MCUR1: variants seen among roughly 807,000 people sequenced by gnomAD.
MCUR1 encodes the protein mitochondrial calcium uniporter regulator 1, also known as MCU regulator 1.
In MCUR1, 37 loss-of-function variants were observed where a neutral mutation model predicts 42.0. The observed-to-expected ratio is 0.88, with a 90% CI of 0.68 to 1.16. The LOEUF (loss-of-function observed/expected upper bound fraction) is 1.16. Ranked by LOEUF, MCUR1 falls within the 50% of genes most tolerant of loss-of-function variation. The pLI is 0.00. For missense variants in MCUR1, 469 were observed against 468.4 expected (o/e 1.00, Z -0.01); for synonymous variants, 229 against 196.2 (o/e 1.17, Z -1.40).
Position 13,792,080 on chromosome 6 carries a change from C to CTTTCCCA in MCUR1, c.910-89_910-88insTGGGAAA, listed in dbSNP as rs542690346. On this transcript the variant is annotated intron_variant, in intron 7 of 8. Coordinates refer to ENST00000379170, the MANE Select transcript of MCUR1 (RefSeq NM_001031713.4). Reference sequence around the variant, plus strand: ...TAGCTCCTTCCCAACGGGGTGCAGTCACAGGGAAACCTGGGTAAGACTATG... The same window carrying CTTTCCCA: ...TAGCTCCTTCCCAACGGGGTGCAGTCTTTCCCAACAGGGAAACCTGGGTAAGACTATG... 2,532 of 960,034 alleles carry CTTTCCCA rather than the reference C, an allele frequency of 2.6e-3. 47 individuals carry two copies. In the African/African-American group the frequency reaches 0.037, roughly 14 times the overall value. 59.5% of individuals were successfully genotyped at this position (960,034 alleles called of 1,614,324 possible). A position where few individuals can be genotyped will look rare whatever the true frequency, so the allele number is the denominator to read the frequency against.
Position 13,800,392 on chromosome 6 carries a change from C to G in MCUR1, c.742-10G>C. On this transcript the variant is annotated splice_polypyrimidine_tract_variant and intron_variant, in intron 4 of 8. Coordinates refer to ENST00000379170, the MANE Select transcript of MCUR1 (RefSeq NM_001031713.4). ...GTTCGAGTTTTATTTTCTAAAAACA[C>G]ATAAAAAAAAAGTCATTAGAAAGAA... 1.4e-6 allele frequency: 2 copies of G among 1,418,666 alleles called. No individual in the cohort carries two copies. Among genetic ancestry groups the G allele is most frequent in the Non-Finnish European group, 9.7e-7 (1 of 1,031,320 alleles). The allele number at this position is 1,418,666 out of a possible 1,614,324, so 87.9% of individuals were successfully genotyped here.
At chr6:13,804,322 CAAAAA>C (rs747622585) in intron 2 of MCUR1, 3 of 21,078 alleles carry the variant, frequency 1.4e-4, no homozygotes, top group South Asian at 1.2e-3. Flanking sequence ...GATTCTGTCT[CAAAAA>C]AAAAAAAAAA....
intron 5 of MCUR1, among the ~76,000 whole-genome samples, chr6:13,799,989 G>A (rs957762181): frequency 6.6e-6 from 1 of 151,760 alleles, no homozygotes; most frequent in African/African-American, 2.4e-5. Flanking sequence ...CTGCCACCAT[G>A]CCCACTTAAT....
Position 13,786,847 on chromosome 6 carries a change from T to C in MCUR1, c.*3962A>G, listed in dbSNP as rs1561725780. 1 of 152,172 alleles carries C rather than the reference T, an allele frequency of 6.6e-6. No homozygotes were observed. The highest frequency in any genetic ancestry group is 1.5e-5 in the Non-Finnish European group (1 of 68,034). The allele number at this position is 152,172 out of a possible 1,614,324, so 9.4% of individuals were successfully genotyped here. ...TGGGTTATAAGCAAAGGAACATAAG[T>C]GTAAAATGTGTAGAAAGATAAATAT... is the stretch of plus-strand genomic sequence containing the variant. On this transcript the variant is annotated 3_prime_UTR_variant, in exon 9 of 9. Coordinates refer to ENST00000379170, the MANE Select transcript of MCUR1 (RefSeq NM_001031713.4).
At position 13,814,472 on chromosome 6, in the gene MCUR1, G is replaced by C. The variant is rs775550853; in HGVS notation, c.-43C>G. On this transcript the variant is annotated 5_prime_UTR_variant, in exon 1 of 9. Transcript: ENST00000379170. ...GCCCGGGCGCGCGCTCATGCCTCTC[G>C]CTTTTGGCGCCGGCCACGCGCGGTC... The C allele has an allele frequency of 7.0e-7, 1 of 1,438,504 alleles. No homozygotes were observed. Among genetic ancestry groups the C allele is most frequent in the Non-Finnish European group, 9.0e-7 (1 of 1,105,254 alleles). 89.1% of individuals were successfully genotyped at this position (1,438,504 alleles called of 1,614,324 possible).
At position 13,789,951 on chromosome 6, in the gene MCUR1, A is replaced by C. The variant is rs1041915652; in HGVS notation, c.*858T>G. The C allele has an allele frequency of 1.3e-5, 2 of 152,198 alleles. No individual in the cohort carries two copies. The highest frequency in any genetic ancestry group is 4.8e-5 in the African/African-American group (2 of 41,448). The allele number at this position is 152,198 out of a possible 1,614,324, so 9.4% of individuals were successfully genotyped here. ...TTAAAAATAACCCTAACAATAACTT[A>C]CCAAGACAATGGAAATCAAAAGAAA... On this transcript the variant is annotated 3_prime_UTR_variant, in exon 9 of 9. Coordinates refer to ENST00000379170, the MANE Select transcript of MCUR1 (RefSeq NM_001031713.4).
chr6:13,787,040 C>A lies in MCUR1; in HGVS notation c.*3769G>T, dbSNP rs1759620314. On this transcript the variant is annotated 3_prime_UTR_variant, in exon 9 of 9. Transcript: ENST00000379170. ...GTTTTCTAGATATGAATTCTATATA[C>A]CATCTCTATATTTGTTTAGAATTTT... 1 of 152,128 alleles carries A rather than the reference C, an allele frequency of 6.6e-6. No individual in the cohort carries two copies. Among genetic ancestry groups the A allele is most frequent in the African/African-American group, 2.4e-5 (1 of 41,414 alleles). 9.4% of individuals were successfully genotyped at this position (152,128 alleles called of 1,614,324 possible). A position where few individuals can be genotyped will look rare whatever the true frequency, so the allele number is the denominator to read the frequency against.
intron 8 of MCUR1, among the ~76,000 whole-genome samples, chr6:13,791,444 G>C (rs561774906): frequency 2.0e-5 from 3 of 152,194 alleles, no homozygotes; most frequent in Admixed American, 1.3e-4. Flanking sequence ...ATTTGGGTGG[G>C]GGGTGGTACA....
intron 2 of MCUR1, among the ~76,000 whole-genome samples, chr6:13,805,202 G>A (rs1760090087): frequency 6.7e-6 from 1 of 149,994 alleles, no homozygotes; most frequent in African/African-American, 2.5e-5. Flanking sequence ...ATGTTGCACA[G>A]ACTGGTCTTG....
chr6:13,796,886 T>G (rs1313864341), intron 6 of MCUR1, among the ~76,000 whole-genome samples: 1 of 152,216 alleles, frequency 6.6e-6, no homozygotes, highest in Non-Finnish European at 1.5e-5. Flanking sequence ...GTGAATTCAG[T>G]TCTTCCTGAG....
intron 8 of MCUR1, 141 bp downstream of exon 8, chr6:13,791,737 T>C (rs1584981838): frequency 6.8e-6 from 4 of 587,052 alleles, no homozygotes; most frequent in Non-Finnish European, 1.2e-5. Flanking sequence ...CTACTGGAAA[T>C]TGTAAGATGC....
chr6:13,797,208 CAACA>C (rs1416256381), intron 6 of MCUR1, among the ~76,000 whole-genome samples: 1 of 152,134 alleles, frequency 6.6e-6, no homozygotes, highest in South Asian at 2.1e-4. Context: ...AATGAGAAAA[CAACA>C]AACAGTTGTG....
At position 13,813,995 on chromosome 6, in the gene MCUR1, C is replaced by T; in HGVS notation, c.415+20G>A. 1 of 1,231,098 alleles carries T rather than the reference C, an allele frequency of 8.1e-7. No individual in the cohort carries two copies. The highest frequency in any genetic ancestry group is 1.0e-6 in the Non-Finnish European group (1 of 986,646). The allele number at this position is 1,231,098 out of a possible 1,614,324, so 76.3% of individuals were successfully genotyped here. ...AACCCCGCGAGACGAGCCCCCTCTC[C>T]TCTCCCGCCCGGGCCTCACCTCTCC... is the stretch of plus-strand genomic sequence containing the variant. On this transcript the variant is annotated intron_variant, in intron 1 of 8. Transcript: ENST00000379170.
intron 1 of MCUR1, among the ~76,000 whole-genome samples, chr6:13,812,471 T>G (rs965124733): frequency 2.6e-4 from 40 of 152,226 alleles, no homozygotes; most frequent in African/African-American, 9.6e-4. Context: ...ACACTCTCTT[T>G]TTGCCCTATA....
intron 7 of MCUR1, among the ~76,000 whole-genome samples, chr6:13,792,981 G>A (rs929394914): frequency 9.2e-5 from 14 of 151,634 alleles, no homozygotes; most frequent in African/African-American, 2.9e-4. Flanking sequence ...TAAAACTTCC[G>A]TTAAGAAAAA....
chr6:13,799,659 CTA>C (rs1759944772), intron 5 of MCUR1, among the ~76,000 whole-genome samples: 2 of 152,184 alleles, frequency 1.3e-5, no homozygotes, highest in South Asian at 4.1e-4. Context: ...TCTTTAACAT[CTA>C]TGTTTTTTCT....
chr6:13,814,297 G>T lies in MCUR1; in HGVS notation c.133C>A (p.Leu45Ile), dbSNP rs542578640. The T allele has an allele frequency of 2.6e-5, 39 of 1,502,446 alleles. No individual in the cohort carries two copies. The highest frequency in any genetic ancestry group is 2.9e-5 in the Non-Finnish European group (33 of 1,131,920). The allele number at this position is 1,502,446 out of a possible 1,614,324, so 93.1% of individuals were successfully genotyped here. Residue 45 changes from leucine to isoleucine, a missense_variant, in exon 1 of 9, where the codon CTC (leucine) becomes ATC (isoleucine). Coordinates refer to ENST00000379170, the MANE Select transcript of MCUR1 (RefSeq NM_001031713.4). ...CGCAGCGCCCCCAGACCGTCGGAGA[G>T]CGCAGAGAGGCAGCGGCGTGCTGAG... Reference protein sequence around the residue: ...ETSARRCLSALSDGLGALRPR... With the variant: ...ETSARRCLSAISDGLGALRPR...
intron 5 of MCUR1, among the ~76,000 whole-genome samples, 163 bp from the exon 6 acceptor site, chr6:13,799,067 C>T (rs1278676929): frequency 6.6e-6 from 1 of 152,236 alleles, no homozygotes; most frequent in East Asian, 1.9e-4. Flanking sequence ...ACCTAGGCCT[C>T]CTGGCATCAG....
chr6:13,814,166 C>G lies in MCUR1; in HGVS notation c.264G>C (p.Gln88His). ...GGCGCGAGCGCTCCCAGTCCCCGAG[C>G]TGCCGGCGCGGGGCTGCGGCGGCCA... ...PRLAAAAPRRQLGDWERSRLG... is the reference protein window; with the variant it reads ...PRLAAAAPRRHLGDWERSRLG... Residue 88 changes from glutamine (Q) to histidine (H), a missense_variant, in exon 1 of 9, where the codon CAG becomes CAC. By Grantham distance (24) the Gln-to-His change is conservative. Transcript: ENST00000379170. The G allele has an allele frequency of 2.3e-6, 3 of 1,332,690 alleles. No homozygotes were observed. The highest frequency in any genetic ancestry group is 2.9e-6 in the Non-Finnish European group (3 of 1,049,036). 82.6% of individuals were successfully genotyped at this position (1,332,690 alleles called of 1,614,324 possible). A position where few individuals can be genotyped will look rare whatever the true frequency, so the allele number is the denominator to read the frequency against.
Sources: allele counts gnomAD v4.1 joint callset (sites outside exome capture counted in the v4.1 genomes callset), GRCh38; gene constraint gnomAD v4.1.1; transcripts MANE v1.5; gene names NCBI Gene and HGNC (gene_info 2026-07-23, HGNC 2026-07-21).